MIA2: variants seen among roughly 807,000 people sequenced by gnomAD.
MIA2 encodes melanoma inhibitory activity protein 2.
In MIA2, 127 loss-of-function variants were observed where a neutral mutation model predicts 167.8. The ratio of observed to expected loss-of-function variants is 0.76; its 90% CI spans 0.66 to 0.88. MIA2 has a LOEUF of 0.88. Among genes scored for constraint, MIA2 ranks in the 40% least tolerant of loss-of-function variants. The pLI is 0.00. For missense variants in MIA2, 1,690 were observed against 1,624.7 expected (o/e 1.04, Z -0.69); for synonymous variants, 552 against 541.9 (o/e 1.02, Z -0.26).
intron 13 of MIA2, among the ~76,000 whole-genome samples, chr14:39,295,242 G>A (rs2061266294): frequency 6.6e-6 from 1 of 152,184 alleles, no homozygotes; most frequent in Non-Finnish European, 1.5e-5. Flanking sequence ...GGCAGGGAAA[G>A]TAAGCCAGGG....
At chr14:39,253,254 A>C in intron 6 of MIA2, 83 bp downstream of exon 6, 1 of 1,529,092 alleles carries the variant, frequency 6.5e-7, no homozygotes, top group Non-Finnish European at 9.0e-7. Flanking sequence ...GTTTGAATGA[A>C]TCCTCCCTGT....
intron 6 of MIA2, among the ~76,000 whole-genome samples, chr14:39,260,821 T>C (rs2055065817): frequency 6.6e-6 from 1 of 152,212 alleles, no homozygotes; most frequent in East Asian, 1.9e-4. Flanking sequence ...GGTTTTCTTC[T>C]AGGGTTTTTA....
In MIA2 at chr14:39,247,910, GA is replaced by G; in HGVS notation, c.1342del (p.Thr448GlnfsTer10). 2 of 1,591,810 alleles carry G rather than the reference GA, an allele frequency of 1.3e-6. No homozygotes were observed. The highest frequency in any genetic ancestry group is 1.2e-5 in the South Asian group (1 of 85,512). ...EDQIDKKPVS[E>X]KTDESDTIPY... Reference sequence around the variant, plus strand: ...TCAAATAGACAAGAAACCAGTCTCAGAAAAAACAGACGAATCTGATACTATA... The same window carrying G: ...TCAAATAGACAAGAAACCAGTCTCAGAAAAACAGACGAATCTGATACTATA... On this transcript the variant is annotated frameshift_variant, in exon 4 of 29. Coordinates refer to ENST00000640607, the MANE Select transcript of MIA2 (RefSeq NM_001329214.4). LOFTEE classifies it high-confidence loss of function.
intron 6 of MIA2, among the ~76,000 whole-genome samples, chr14:39,261,253 T>G (rs2055094082): frequency 6.6e-6 from 1 of 152,092 alleles, no homozygotes; most frequent in Admixed American, 6.5e-5. Context: ...GGTTTTTTGT[T>G]CTTGCGATAG....
chr14:39,235,746 G>C (rs10134143), intron 1 of MIA2, among the ~76,000 whole-genome samples: 43,733 of 151,770 alleles, frequency 0.29, 6,759 homozygotes, highest in East Asian at 0.49. Flanking sequence ...CCACTGCACT[G>C]TAGCCTGGGC....
intron 6 of MIA2, among the ~76,000 whole-genome samples, chr14:39,269,519 C>G (rs2056739076): frequency 6.7e-6 from 1 of 150,314 alleles, no homozygotes; most frequent in African/African-American, 2.4e-5. Context: ...TTTCTTTTTT[C>G]TTTCTTTTTT....
chr14:39,240,665 C>T lies in MIA2; in HGVS notation c.336+18C>T. On this transcript the variant is annotated intron_variant, in intron 3 of 28. Coordinates refer to ENST00000640607, the MANE Select transcript of MIA2 (RefSeq NM_001329214.4). ...CAACGAAAGTGAGTAAACTCATTCT[C>T]AGTTGTTAATTGAATTTAAAATTTC... 1 of 1,569,076 alleles carries T rather than the reference C, an allele frequency of 6.4e-7. No homozygotes were observed. Among genetic ancestry groups the T allele is most frequent in the Non-Finnish European group, 8.8e-7 (1 of 1,141,094 alleles).
chr14:39,339,476 TA>T (rs929305314), intron 25 of MIA2, among the ~76,000 whole-genome samples: 1 of 152,098 alleles, frequency 6.6e-6, no homozygotes, highest in African/African-American at 2.4e-5. Flanking sequence ...GTTAACTCTA[TA>T]TTTTTTGTTC....
At chr14:39,342,340 C>A (rs1425542628) in intron 25 of MIA2, among the ~76,000 whole-genome samples, 2 of 152,072 alleles carry the variant, frequency 1.3e-5, no homozygotes, top group African/African-American at 4.8e-5. Flanking sequence ...AGGACATGAA[C>A]TCATCATTTT....
chr14:39,345,412 C>T (rs1334221985), intron 25 of MIA2, among the ~76,000 whole-genome samples: 1 of 152,080 alleles, frequency 6.6e-6, no homozygotes, highest in Non-Finnish European at 1.5e-5. Context: ...AATTCCAAAA[C>T]GTCAATATTA....
intron 23 of MIA2, among the ~76,000 whole-genome samples, chr14:39,380,563 T>A (rs1419982264): frequency 6.6e-6 from 1 of 151,798 alleles, no homozygotes; most frequent in African/African-American, 2.4e-5. Context: ...CATGGTGGCA[T>A]GCCTCTGTAG....
chr14:39,356,640 A>G (rs142278393), intron 23 of MIA2, among the ~76,000 whole-genome samples: 141,551 of 152,232 alleles, frequency 0.93, 65,909 homozygotes, highest in East Asian at 0.96. Flanking sequence ...TAATTGTGAT[A>G]TTAGGGTGTC....
intron 13 of MIA2, among the ~76,000 whole-genome samples, chr14:39,299,380 T>C (rs993109610): frequency 2.2e-5 from 3 of 138,698 alleles, no homozygotes; most frequent in Non-Finnish European, 4.6e-5. Flanking sequence ...CAATCTTGGC[T>C]CACTGCAACC....
chr14:39,340,633 C>T lies in MIA2; in HGVS notation c.3656-5271C>T, dbSNP rs150831845. Among the ~76,000 whole-genome samples the T allele has an allele frequency of 1.3e-3, 194 of 152,248 alleles. 1 individual carries two copies. Among genetic ancestry groups the T allele is most frequent in the Middle Eastern group, 6.8e-3 (2 of 294 alleles). On this transcript the variant is annotated intron_variant, in intron 25 of 28. Transcript: ENST00000640607. ...CTCATTTTGATCTCTTTGATGAAAACTTGTGGTCTTCCCAAACTTAATAAG... is the reference window on the plus strand; with the variant it reads ...CTCATTTTGATCTCTTTGATGAAAATTTGTGGTCTTCCCAAACTTAATAAG...
At chr14:39,378,800 C>T (rs1281623173) in intron 23 of MIA2, among the ~76,000 whole-genome samples, 2 of 152,132 alleles carry the variant, frequency 1.3e-5, no homozygotes, top group African/African-American at 4.8e-5. Flanking sequence ...GTCTCTTGGA[C>T]TTAAGGGTGC....
chr14:39,337,400 T>A (rs1486637580), intron 25 of MIA2, among the ~76,000 whole-genome samples: 1 of 152,150 alleles, frequency 6.6e-6, no homozygotes, highest in African/African-American at 2.4e-5. Flanking sequence ...TCAGCAAGTA[T>A]ATAGAAGAAC....
chr14:39,303,522 A>G lies in MIA2; in HGVS notation c.2785A>G (p.Lys929Glu). 3 of 1,609,304 alleles carry G rather than the reference A, an allele frequency of 1.9e-6. No homozygotes were observed. Among genetic ancestry groups the G allele is most frequent in the Non-Finnish European group, 8.5e-7 (1 of 1,176,500 alleles). Residue 929 changes from lysine to glutamate, a missense_variant and splice_region_variant, in exon 16 of 29, where the codon AAG becomes GAG. By Grantham distance (56) the Lys-to-Glu change is moderately conservative. Coordinates refer to ENST00000640607, the MANE Select transcript of MIA2 (RefSeq NM_001329214.4). ...TTTGAAGAAACTGATTCATGCTGCT[A>G]AGGTTTGTGCTATTAGATACTTAAA... ...GALKKLIHAA[K>E]LNASLKTLEG...
chr14:39,288,427 T>C (rs1446789479), intron 9 of MIA2, among the ~76,000 whole-genome samples: 1 of 118,018 alleles, frequency 8.5e-6, no homozygotes, highest in Non-Finnish European at 1.7e-5. Flanking sequence ...CGTGTATATA[T>C]TATACATATA....
intron 6 of MIA2, among the ~76,000 whole-genome samples, chr14:39,262,644 T>C (rs535414041): frequency 7.9e-5 from 12 of 152,364 alleles, no homozygotes; most frequent in Admixed American, 7.2e-4. Context: ...TTCCTATCCA[T>C]GAGCATGGAA....
Sources: gnomAD v4.1 joint callset for allele counts (sites outside exome capture counted in the v4.1 genomes callset) on GRCh38, gnomAD v4.1.1 for gene constraint, MANE v1.5 for transcripts, NCBI Gene and HGNC (gene_info 2026-07-23, HGNC 2026-07-21) for gene names.